Variants in MAP4K3 observed in about 807,000 individuals in gnomAD.
The protein encoded by MAP4K3 is mitogen-activated protein kinase kinase kinase kinase 3.
A neutral mutation model predicts 143.5 loss-of-function variants in MAP4K3; 94 were observed. That is an observed-to-expected ratio of 0.65 (90% CI 0.55 to 0.78). The LOEUF (loss-of-function observed/expected upper bound fraction) is 0.78. MAP4K3 is among the 30% of genes least tolerant of loss of function. The pLI is 0.00. For synonymous variants in MAP4K3, 416 were observed against 347.2 expected (o/e 1.20, Z -2.20); for missense variants, 1,077 against 1,068.1 (o/e 1.01, Z -0.12).
intron 1 of MAP4K3, among the ~76,000 whole-genome samples, chr2:39,399,382 C>G (rs1202002751): frequency 6.6e-6 from 1 of 152,126 alleles, no homozygotes; most frequent in Non-Finnish European, 1.5e-5. Flanking sequence ...TAAGGTAGTG[C>G]GCAGCAGCCT....
intron 6 of MAP4K3, among the ~76,000 whole-genome samples, chr2:39,335,277 C>G (rs968497108): frequency 2.0e-5 from 3 of 151,938 alleles, no homozygotes; most frequent in African/African-American, 7.3e-5. Flanking sequence ...CCTTTGGTCG[C>G]CAAGCAGAAA....
chr2:39,342,214 C>G (rs112471716), intron 4 of MAP4K3, among the ~76,000 whole-genome samples: 10,799 of 151,956 alleles, frequency 0.071, 1,302 homozygotes, highest in African/African-American at 0.25. Flanking sequence ...TCTTGGCTCA[C>G]TGCAACCTCC....
chr2:39,292,491 C>G (rs1682087232), intron 18 of MAP4K3, among the ~76,000 whole-genome samples: 1 of 152,180 alleles, frequency 6.6e-6, no homozygotes, highest in Non-Finnish European at 1.5e-5. Flanking sequence ...CGGCTGTCTG[C>G]AAGCCAAGAA....
At chr2:39,362,719 C>T (rs1254747680) in intron 2 of MAP4K3, among the ~76,000 whole-genome samples, 1 of 152,072 alleles carries the variant, frequency 6.6e-6, no homozygotes, top group African/African-American at 2.4e-5. Context: ...GATAGAACCA[C>T]AAAGAACGCC....
intron 3 of MAP4K3, among the ~76,000 whole-genome samples, chr2:39,355,359 CAAAAAAAAA>C (rs34355105): frequency 1.4e-4 from 5 of 34,540 alleles, no homozygotes; most frequent in African/African-American, 6.2e-4. Flanking sequence ...GACTCCACCT[CAAAAAAAAA>C]AAAAAAAAAA....
At chr2:39,387,263 A>G (rs1666530118) in intron 1 of MAP4K3, among the ~76,000 whole-genome samples, 1 of 152,210 alleles carries the variant, frequency 6.6e-6, no homozygotes, top group Admixed American at 6.5e-5. Flanking sequence ...GTTTAAAAAA[A>G]AAAATCTGCT....
At chr2:39,256,294 C>T (rs1189407416) in intron 31 of MAP4K3, among the ~76,000 whole-genome samples, 1 of 152,150 alleles carries the variant, frequency 6.6e-6, no homozygotes, top group Non-Finnish European at 1.5e-5. Flanking sequence ...TTCCCTTTCT[C>T]ATTTAATAGA....
At chr2:39,416,883 T>C (rs981674467) in intron 1 of MAP4K3, among the ~76,000 whole-genome samples, 1 of 152,336 alleles carries the variant, frequency 6.6e-6, no homozygotes, top group Admixed American at 6.5e-5. Flanking sequence ...ATTTACTAGC[T>C]GTGGAGCCTT....
intron 1 of MAP4K3, among the ~76,000 whole-genome samples, chr2:39,409,288 G>A (rs1393625722): frequency 1.3e-5 from 2 of 152,132 alleles, no homozygotes; most frequent in African/African-American, 4.8e-5. Context: ...TTATCAGTAA[G>A]ACCTCTGGTC....
At chr2:39,312,569 GA>G (rs143654002) in intron 13 of MAP4K3, among the ~76,000 whole-genome samples, 5 of 152,052 alleles carry the variant, frequency 3.3e-5, no homozygotes, top group African/African-American at 9.7e-5. Flanking sequence ...GAGGCATAAG[GA>G]AAAAAACAGT....
At chr2:39,286,293 G>T (rs1268411867) in intron 21 of MAP4K3, among the ~76,000 whole-genome samples, 5 of 152,208 alleles carry the variant, frequency 3.3e-5, no homozygotes, top group African/African-American at 1.2e-4. Context: ...TGACCTGACA[G>T]AAGGTGGAGC....
At chr2:39,333,959 TTTTGTGTGTGTG>T (rs1363916044) in intron 6 of MAP4K3, among the ~76,000 whole-genome samples, 16 of 87,340 alleles carry the variant, frequency 1.8e-4, no homozygotes, top group African/African-American at 5.5e-4. Context: ...TGTTTCCCAT[TTTTGTGTGTGTG>T]TGTGTGTGTG....
chr2:39,405,309 T>A (rs1323586450), intron 1 of MAP4K3, among the ~76,000 whole-genome samples: 1 of 152,240 alleles, frequency 6.6e-6, no homozygotes, highest in African/African-American at 2.4e-5. Context: ...TGGATCTTAT[T>A]GAAGACCACC....
At chr2:39,433,761 A>C (rs1057058485) in intron 1 of MAP4K3, among the ~76,000 whole-genome samples, 4 of 152,226 alleles carry the variant, frequency 2.6e-5, no homozygotes, top group Non-Finnish European at 5.9e-5. Flanking sequence ...CAGGCACTTC[A>C]TGACAGATAA....
At chr2:39,269,155 C>T (rs1189734306) in intron 26 of MAP4K3, among the ~76,000 whole-genome samples, 1 of 151,324 alleles carries the variant, frequency 6.6e-6, no homozygotes, top group Non-Finnish European at 1.5e-5. Context: ...TAAAATTGTA[C>T]AGCACATGTG....
At chr2:39,420,894 T>C (rs766096205) in intron 1 of MAP4K3, among the ~76,000 whole-genome samples, 30 of 152,308 alleles carry the variant, frequency 2.0e-4, no homozygotes, top group East Asian at 3.9e-4. Context: ...TGCTAGTCTA[T>C]AGACATTACA....
intron 2 of MAP4K3, among the ~76,000 whole-genome samples, chr2:39,360,777 A>G (rs1665746705): frequency 6.6e-6 from 1 of 152,122 alleles, no homozygotes; most frequent in South Asian, 2.1e-4. Flanking sequence ...TTATAAAACC[A>G]TCAGATCTCA....
At chr2:39,405,574 A>C (rs1430439641) in intron 1 of MAP4K3, among the ~76,000 whole-genome samples, 1 of 152,162 alleles carries the variant, frequency 6.6e-6, no homozygotes, top group East Asian at 1.9e-4. Flanking sequence ...AAACAAACTA[A>C]ATAAGACACC....
intron 2 of MAP4K3, among the ~76,000 whole-genome samples, chr2:39,364,238 G>A (rs1187294456): frequency 6.6e-6 from 1 of 152,200 alleles, no homozygotes; most frequent in Non-Finnish European, 1.5e-5. Flanking sequence ...GTCATGGCCA[G>A]AGACTGGGGG....
Sources: allele counts gnomAD v4.1 joint callset (sites outside exome capture counted in the v4.1 genomes callset), GRCh38; gene constraint gnomAD v4.1.1; transcripts MANE v1.5; gene names NCBI Gene and HGNC (gene_info 2026-07-23, HGNC 2026-07-21).